The following ACYP2 variants were observed in gnomAD, a reference collection of about 807,000 sequenced individuals.
ACYP2 encodes the protein acylphosphatase 2.
A neutral mutation model predicts 11.2 loss-of-function variants in ACYP2; 12 were observed. The observed-to-expected ratio is 1.08, with a 90% CI of 0.69 to 1.74. ACYP2 has a LOEUF of 1.74. Among genes scored for constraint, ACYP2 ranks in the 40% most tolerant of loss-of-function variants. The pLI is 0.00. For missense variants in ACYP2, 134 were observed against 101.9 expected, an observed-to-expected ratio of 1.31 and a Z score of -1.35; for synonymous variants, 43 against 32.2, an observed-to-expected ratio of 1.33 and a Z score of -1.13.
chr2:54,057,246 T>C lies in ACYP2; in HGVS notation c.163T>C (p.Phe55Leu). 2.5e-6 allele frequency: 1 copy of C among 397,980 alleles called. No individual in the cohort carries two copies. Among genetic ancestry groups the C allele is most frequent in the Non-Finnish European group, 4.4e-6 (1 of 225,664 alleles). 24.7% of individuals were successfully genotyped at this position (397,980 alleles called of 1,614,324 possible). Residue 55 changes from phenylalanine to leucine, a missense_variant, in exon 4 of 7, where the codon TTC becomes CTC. Coordinates refer to ENST00000607452, the MANE Select transcript of ACYP2 (RefSeq NM_001320586.2). ...CACATATTTTGTTTCCAGCTATAAA[T>C]TCATACAATTATCAGAGTTTGGTTT...
At chr2:54,258,238 G>A (rs1190347625) in intron 6 of ACYP2, among the ~76,000 whole-genome samples, 2 of 151,266 alleles carry the variant, frequency 1.3e-5, no homozygotes, top group African/African-American at 4.9e-5. Context: ...GAGTGGGGAG[G>A]AGATTGTAGT....
At chr2:54,270,277 G>A (rs905193295) in intron 6 of ACYP2, among the ~76,000 whole-genome samples, 1 of 152,048 alleles carries the variant, frequency 6.6e-6, no homozygotes, top group South Asian at 2.1e-4. Flanking sequence ...TTTCAAAAAT[G>A]CTGTCTAAAG....
chr2:54,196,815 C>T lies in ACYP2; in HGVS notation c.404+58067C>T, dbSNP rs537405271. ...ACCATGGTGCTAGAAGATAGCCCCA[C>T]ATTTATGTGAATTGCCTGTTTGATT... is the stretch of plus-strand genomic sequence containing the variant. On this transcript the variant is annotated intron_variant, in intron 6 of 6. Transcript: ENST00000607452. Among the ~76,000 whole-genome samples the T allele has an allele frequency of 2.0e-5, 3 of 152,318 alleles. No homozygotes were observed. The South Asian group carries it at 6.2e-4, about 32-fold the overall frequency.
In ACYP2 at chr2:54,003,067, G is replaced by A. The variant is rs1309115934; in HGVS notation, c.62+29257G>A. On this transcript the variant is annotated intron_variant, in intron 2 of 6. Coordinates refer to ENST00000607452, the MANE Select transcript of ACYP2 (RefSeq NM_001320586.2). ...GGTTCAAGTGAATACTTGTGCCTCA[G>A]CCTCCCAAGTAGCTGGGATTACAGG... Among the ~76,000 whole-genome samples the A allele has an allele frequency of 3.3e-5, 5 of 152,192 alleles. No homozygotes were observed. The East Asian group carries it at 7.7e-4, about 24-fold the overall frequency.
intron 2 of ACYP2, among the ~76,000 whole-genome samples, chr2:54,032,029 C>G (rs1163505608): frequency 1.3e-5 from 2 of 152,058 alleles, no homozygotes; most frequent in Admixed American, 6.6e-5. Flanking sequence ...GATATTAGCC[C>G]TTTGTCAGAT....
chr2:54,269,088 A>G (rs966231528), intron 6 of ACYP2, among the ~76,000 whole-genome samples: 1 of 152,192 alleles, frequency 6.6e-6, no homozygotes, highest in Admixed American at 6.6e-5. Context: ...AACTGTGCCC[A>G]TTATTCAAAT....
rs182860922 is a variant in ACYP2, at chr2:54,269,338, G to A, written c.405-35350G>A. On this transcript the variant is annotated intron_variant, in intron 6 of 6. Coordinates refer to ENST00000607452, the MANE Select transcript of ACYP2 (RefSeq NM_001320586.2). ...GATGGCAAAGAGGATACTGAAATAT[G>A]TTAGGAGCTACATACAAGAAATAAA... Among the ~76,000 whole-genome samples, 8 of 152,328 alleles carry A rather than the reference G, an allele frequency of 5.3e-5. No individual in the cohort carries two copies. The East Asian group carries it at 1.5e-3, about 29-fold the overall frequency.
chr2:54,236,505 G>A (rs1686483868), intron 6 of ACYP2, among the ~76,000 whole-genome samples: 1 of 152,008 alleles, frequency 6.6e-6, no homozygotes, highest in African/African-American at 2.4e-5. Context: ...AATTTTCTAG[G>A]TAAATTTTTG....
intron 2 of ACYP2, among the ~76,000 whole-genome samples, chr2:54,039,919 A>AATCATAGC (rs1282851017): frequency 6.7e-6 from 1 of 149,084 alleles, no homozygotes. Context: ...GTGGTGGTAC[A>AATCATAGC]ATCATAGCTC....
At chr2:54,204,518 T>A (rs1014356761) in intron 6 of ACYP2, among the ~76,000 whole-genome samples, 2 of 152,186 alleles carry the variant, frequency 1.3e-5, no homozygotes, top group African/African-American at 4.8e-5. Flanking sequence ...CAGTGTGGCA[T>A]ATGAAAGGTC....
intron 4 of ACYP2, among the ~76,000 whole-genome samples, chr2:54,093,520 A>C (rs1678343572): frequency 6.6e-6 from 1 of 152,244 alleles, no homozygotes. Flanking sequence ...AGAGAGAAGT[A>C]ATAATGTTTG....
At chr2:54,022,828 C>G (rs1674076501) in intron 2 of ACYP2, among the ~76,000 whole-genome samples, 1 of 152,168 alleles carries the variant, frequency 6.6e-6, no homozygotes, top group Admixed American at 6.5e-5. Flanking sequence ...AGACGCCTCC[C>G]AAGAGGAATC....
intron 2 of ACYP2, among the ~76,000 whole-genome samples, chr2:53,990,124 A>T (rs773127710): frequency 6.6e-6 from 1 of 151,420 alleles, no homozygotes; most frequent in African/African-American, 2.4e-5. Flanking sequence ...GTCTACAGGC[A>T]TGCACCACTA....
intron 2 of ACYP2, among the ~76,000 whole-genome samples, chr2:53,990,135 C>T (rs545358645): frequency 8.6e-5 from 13 of 151,876 alleles, no homozygotes; most frequent in Non-Finnish European, 1.3e-4. Context: ...TGCACCACTA[C>T]ACCTGGCTAA....
chr2:54,147,443 T>C (rs903561461), intron 6 of ACYP2, among the ~76,000 whole-genome samples: 1 of 152,184 alleles, frequency 6.6e-6, no homozygotes, highest in Non-Finnish European at 1.5e-5. Context: ...GTAAGCTGAC[T>C]TGCTTCTCAT....
At chr2:53,974,285 C>T (rs1164971576) in intron 2 of ACYP2, among the ~76,000 whole-genome samples, 2 of 151,832 alleles carry the variant, frequency 1.3e-5, no homozygotes, top group African/African-American at 4.8e-5. Context: ...TGGGTGAGGA[C>T]GACAAAGAGC....
At chr2:54,152,084 A>G (rs567102933) in intron 6 of ACYP2, among the ~76,000 whole-genome samples, 1 of 150,072 alleles carries the variant, frequency 6.7e-6, no homozygotes, top group Admixed American at 6.6e-5. Context: ...ATTATTAATA[A>G]CTAAGCTGAT....
At chr2:54,194,478 T>C (rs1684371815) in intron 6 of ACYP2, among the ~76,000 whole-genome samples, 1 of 152,184 alleles carries the variant, frequency 6.6e-6, no homozygotes, top group African/African-American at 2.4e-5. Flanking sequence ...ACTCAGCTTT[T>C]TCATCCAGGA....
intron 4 of ACYP2, among the ~76,000 whole-genome samples, chr2:54,097,190 C>G (rs775468471): frequency 3.9e-5 from 6 of 152,218 alleles, no homozygotes; most frequent in African/African-American, 2.4e-5. Context: ...AACTACAGCT[C>G]TGGCCCCACT....
Sources: allele counts gnomAD v4.1 joint callset (sites outside exome capture counted in the v4.1 genomes callset), GRCh38; gene constraint gnomAD v4.1.1; transcripts MANE v1.5; gene names NCBI Gene and HGNC (gene_info 2026-07-23, HGNC 2026-07-21).